ISG15: variants seen among roughly 807,000 people sequenced by gnomAD.
The protein encoded by ISG15 is ubiquitin-like protein ISG15.
ISG15 carries 2 observed loss-of-function variants against 2.4 expected under a neutral mutation model. That is an observed-to-expected ratio of 0.82 (90% CI 0.33 to 2.57). ISG15 has a LOEUF of 2.57. ISG15 is among the 30% of genes most tolerant of loss of function. The probability of loss-of-function intolerance (pLI) is 0.11; values close to 1 mark genes in which losing one functional copy is unlikely to be tolerated. For missense variants in ISG15, 224 were observed against 228.4 expected (o/e 0.98, Z 0.13); for synonymous variants, 116 against 108.1 (o/e 1.07, Z -0.45).
intron 1 of ISG15, 21 bp downstream of exon 1, chr1:1,013,597 G>T (rs765215109): frequency 6.8e-6 from 11 of 1,612,202 alleles, no homozygotes; most frequent in African/African-American, 6.7e-5. Context: ...TGTCACAGGT[G>T]GGGGGAGGTG....
At position 1,014,171 on chromosome 1, in the gene ISG15, G is replaced by A; in HGVS notation, c.191G>A (p.Gly64Asp). The change falls in exon 2 of 2, where the codon GGC (glycine) becomes GAC (aspartate). Residue 64 changes from glycine (G) to aspartate (D), a missense_variant. Transcript: ENST00000649529. ...LQDRVPLASQ[G>D]LGPGSTVLLV... Reference sequence around the variant, plus strand: ...GACAGGGTCCCCCTTGCCAGCCAGGGCCTGGGCCCCGGCAGCACGGTCCTG... The same window carrying A: ...GACAGGGTCCCCCTTGCCAGCCAGGACCTGGGCCCCGGCAGCACGGTCCTG... 2.5e-6 allele frequency: 4 copies of A among 1,612,830 alleles called. No individual in the cohort carries two copies. The highest frequency in any genetic ancestry group is 3.4e-6 in the Non-Finnish European group (4 of 1,179,424).
chr1:1,014,271 G>A lies in ISG15; in HGVS notation c.291G>A (p.Glu97=). The A allele has an allele frequency of 6.2e-7, 1 of 1,613,654 alleles. No homozygotes were observed. ...ACAAGGGCCGCAGCAGCACCTACGA[G>A]GTACGGCTGACGCAGACCGTGGCCC... ...RNNKGRSSTY[E]VRLTQTVAHL... The change falls in exon 2 of 2, where the codon GAG becomes GAA. Residue 97 remains glutamate (E), a synonymous_variant. Transcript: ENST00000649529.
Position 1,013,531 on chromosome 1 carries a change from T to C in ISG15, c.-43T>C. 6.2e-7 allele frequency: 1 copy of C among 1,611,170 alleles called. No individual in the cohort carries two copies. The highest frequency in any genetic ancestry group is 8.5e-7 in the Non-Finnish European group (1 of 1,177,826). On this transcript the variant is annotated 5_prime_UTR_variant, in exon 1 of 2. Transcript: ENST00000649529. The stretch of plus-strand genomic sequence containing the variant: ...GAGGCAGCGAACTCATCTTTGCCAG[T>C]ACAGGAGCTTGTGCCGTGGCCCACA...
At position 1,014,477 on chromosome 1, in the gene ISG15, A is replaced by G. The variant is rs1326641668; in HGVS notation, c.497A>G (p.Ter166=). Residue 166 remains the stop codon, a stop_retained_variant, in exon 2 of 2, where the codon TAA becomes TGA. Transcript: ENST00000649529. The part of the protein sequence containing the change: ...GGGTEPGGRS[*] ...GGCACAGAGCCTGGCGGGCGGAGCT[A>G]AGGGCCTCCACCAGCATCCGAGCAG... 1.3e-6 allele frequency: 2 copies of G among 1,599,706 alleles called. No homozygotes were observed. Among genetic ancestry groups the G allele is most frequent in the Non-Finnish European group, 1.7e-6 (2 of 1,171,066 alleles).
At position 1,014,190 on chromosome 1, in the gene ISG15, G is replaced by A. The variant is rs563366903; in HGVS notation, c.210G>A (p.Thr70=). Residue 70 remains threonine, a synonymous_variant, in exon 2 of 2, where the codon ACG becomes ACA. Coordinates refer to ENST00000649529, the MANE Select transcript of ISG15 (RefSeq NM_005101.4). ...GCCAGGGCCTGGGCCCCGGCAGCAC[G>A]GTCCTGCTGGTGGTGGACAAATGCG... is the stretch of plus-strand genomic sequence containing the variant. ...LASQGLGPGS[T]VLLVVDKCDE... 2.7e-5 allele frequency: 43 copies of A among 1,613,318 alleles called. No homozygotes were observed. The East Asian group carries it at 4.5e-4, about 17-fold the overall frequency.
Position 1,013,513 on chromosome 1 carries a change from C to G in ISG15, c.-61C>G. 2 of 1,582,004 alleles carry G rather than the reference C, an allele frequency of 1.3e-6. No individual in the cohort carries two copies. The highest frequency in any genetic ancestry group is 2.2e-5 in the East Asian group (1 of 44,710). On this transcript the variant is annotated 5_prime_UTR_variant, in exon 1 of 2. Coordinates refer to ENST00000649529, the MANE Select transcript of ISG15 (RefSeq NM_005101.4). ...GCCGAAGCCGGCGGCTGAGAGGCAGCGAACTCATCTTTGCCAGTACAGGAG... is the reference window on the plus strand; with the variant it reads ...GCCGAAGCCGGCGGCTGAGAGGCAGGGAACTCATCTTTGCCAGTACAGGAG...
chr1:1,013,951 G>T, intron 1 of ISG15, 33 bp from the exon 2 acceptor site: 1 of 1,556,828 alleles, frequency 6.4e-7, no homozygotes. Flanking sequence ...TGGGGCTGGC[G>T]CCGCAGTCTC....
chr1:1,014,152 GT>G lies in ISG15; in HGVS notation c.173del (p.Val58AlafsTer25). On this transcript the variant is annotated frameshift_variant, in exon 2 of 2. Coordinates refer to ENST00000649529, the MANE Select transcript of ISG15 (RefSeq NM_005101.4). LOFTEE classifies it low-confidence loss of function (END_TRUNC). ...HPSGVALQDRVPLASQGLGPG... is the reference protein window; with the variant it reads ...HPSGVALQDRXPLASQGLGPG... ...GAGCGGTGTGGCGCTGCAGGACAGG[GT>G]CCCCCTTGCCAGCCAGGGCCTGGGC... The G allele has an allele frequency of 6.2e-7, 1 of 1,612,702 alleles. No individual in the cohort carries two copies.
Position 1,013,581 on chromosome 1 carries a change from G to A in ISG15, c.3+5G>A. The A allele has an allele frequency of 6.2e-7, 1 of 1,613,556 alleles. No individual in the cohort carries two copies. The highest frequency in any genetic ancestry group is 8.5e-7 in the Non-Finnish European group (1 of 1,179,878). ...AGCCCACAGCCCACAGCCATGGTAA[G>A]GCAGATGTCACAGGTGGGGGGAGGT... On this transcript the variant is annotated splice_donor_5th_base_variant and intron_variant, in intron 1 of 1. Transcript: ENST00000649529.
At position 1,013,547 on chromosome 1, in the gene ISG15, G is replaced by A. The variant is rs545052225; in HGVS notation, c.-27G>A. The A allele has an allele frequency of 6.8e-6, 11 of 1,613,010 alleles. No homozygotes were observed. Among genetic ancestry groups the A allele is most frequent in the African/African-American group, 2.7e-5 (2 of 74,998 alleles). ...CTTTGCCAGTACAGGAGCTTGTGCCGTGGCCCACAGCCCACAGCCCACAGC... is the reference window on the plus strand; with the variant it reads ...CTTTGCCAGTACAGGAGCTTGTGCCATGGCCCACAGCCCACAGCCCACAGC... On this transcript the variant is annotated 5_prime_UTR_variant, in exon 1 of 2. The change creates a new upstream start codon in the 5' untranslated region. Coordinates refer to ENST00000649529, the MANE Select transcript of ISG15 (RefSeq NM_005101.4).
chr1:1,014,126 C>A lies in ISG15; in HGVS notation c.146C>A (p.Pro49Gln). Residue 49 changes from proline to glutamine, a missense_variant, in exon 2 of 2, where the codon CCG (proline) becomes CAG (glutamine). By Grantham distance (76) the Pro-to-Gln change is moderately conservative. Transcript: ENST00000649529. ...TTCCAGCAGCGTCTGGCTGTCCACC[C>A]GAGCGGTGTGGCGCTGCAGGACAGG... ...HAFQQRLAVH[P>Q]SGVALQDRVP... 1 of 1,613,186 alleles carries A rather than the reference C, an allele frequency of 6.2e-7. No homozygotes were observed.
At position 1,014,275 on chromosome 1, in the gene ISG15, C is replaced by T. The variant is rs770462897; in HGVS notation, c.295C>T (p.Arg99Trp). 16 of 1,613,440 alleles carry T rather than the reference C, an allele frequency of 9.9e-6. No individual in the cohort carries two copies. The highest frequency in any genetic ancestry group is 2.7e-5 in the African/African-American group (2 of 74,918). ...GGGCCGCAGCAGCACCTACGAGGTA[C>T]GGCTGACGCAGACCGTGGCCCACCT... is the stretch of plus-strand genomic sequence containing the variant. ...NKGRSSTYEV[R>W]LTQTVAHLKQ... The change falls in exon 2 of 2, where the codon CGG (arginine) becomes TGG (tryptophan). Residue 99 changes from arginine (R) to tryptophan (W), a missense_variant. Arg to Trp is a moderately radical substitution (Grantham distance 101). Transcript: ENST00000649529.
chr1:1,014,265 C>CT lies in ISG15; in HGVS notation c.286dup (p.Tyr96LeufsTer?), dbSNP rs758781783. Reference sequence around the variant, plus strand: ...GGAATAACAAGGGCCGCAGCAGCACCTACGAGGTACGGCTGACGCAGACCG... The same window carrying CT: ...GGAATAACAAGGGCCGCAGCAGCACCTTACGAGGTACGGCTGACGCAGACCG... On this transcript the variant is annotated frameshift_variant, in exon 2 of 2. Transcript: ENST00000649529. LOFTEE classifies it low-confidence loss of function (END_TRUNC). The CT allele has an allele frequency of 6.2e-7, 1 of 1,613,682 alleles. No homozygotes were observed. The highest frequency in any genetic ancestry group is 1.7e-5 in the Admixed American group (1 of 60,028).
rs1644251525 is a variant in ISG15 at position 1,014,380 on chromosome 1, C to A, written c.400C>A (p.Gln134Lys). The change falls in exon 2 of 2, where the codon CAG becomes AAG. Residue 134 changes from glutamine to lysine, a missense_variant. Transcript: ENST00000649529. Reference sequence around the variant, plus strand: ...CTTCGAGGGGAAGCCCCTGGAGGACCAGCTCCCGCTGGGGGAGTACGGCCT... The same window carrying A: ...CTTCGAGGGGAAGCCCCTGGAGGACAAGCTCCCGCTGGGGGAGTACGGCCT... ...LTFEGKPLED[Q>K]LPLGEYGLKP... The A allele has an allele frequency of 6.2e-7, 1 of 1,613,412 alleles. No individual in the cohort carries two copies. Among genetic ancestry groups the A allele is most frequent in the Non-Finnish European group, 8.5e-7 (1 of 1,180,020 alleles).
rs772413940 is a variant in ISG15, at chr1:1,014,358, C to T, written c.378C>T (p.Phe126=). Residue 126 remains phenylalanine, a synonymous_variant, in exon 2 of 2, where the codon TTC becomes TTT. Coordinates refer to ENST00000649529, the MANE Select transcript of ISG15 (RefSeq NM_005101.4). The part of the protein sequence containing the change: ...GVQDDLFWLT[F]EGKPLEDQLP... ...AGGACGACCTGTTCTGGCTGACCTT[C>T]GAGGGGAAGCCCCTGGAGGACCAGC... 109 of 1,613,512 alleles carry T rather than the reference C, an allele frequency of 6.8e-5. No homozygotes were observed. Among genetic ancestry groups the T allele is most frequent in the Non-Finnish European group, 8.5e-5 (100 of 1,180,026 alleles).
At position 1,013,998 on chromosome 1, in the gene ISG15, G is replaced by A. The variant is rs750829395; in HGVS notation, c.18G>A (p.Thr6=). Residue 6 remains threonine, a synonymous_variant, in exon 2 of 2, where the codon ACG becomes ACA. Transcript: ENST00000649529. ...GACGCCTGCAGGGCTGGGACCTGAC[G>A]GTGAAGATGCTGGCGGGCAACGAAT... MGWDL[T]VKMLAGNEFQ... The A allele has an allele frequency of 1.4e-5, 23 of 1,599,788 alleles. No homozygotes were observed. The highest frequency in any genetic ancestry group is 2.2e-5 in the East Asian group (1 of 44,526).
At chr1:1,013,650 G>GT in intron 1 of ISG15, 74 bp downstream of exon 1, 1 of 1,528,244 alleles carries the variant, frequency 6.5e-7, no homozygotes, top group Non-Finnish European at 9.0e-7. Flanking sequence ...CCCAGCCAAG[G>GT]TCTCCCAGGG....
Position 1,014,391 on chromosome 1 carries a change from G to C in ISG15, c.411G>C (p.Leu137=). 1.2e-6 allele frequency: 2 copies of C among 1,613,284 alleles called. No individual in the cohort carries two copies. Among genetic ancestry groups the C allele is most frequent in the Non-Finnish European group, 1.7e-6 (2 of 1,180,028 alleles). The change falls in exon 2 of 2, where the codon CTG becomes CTC. Residue 137 remains leucine (L), a synonymous_variant. Coordinates refer to ENST00000649529, the MANE Select transcript of ISG15 (RefSeq NM_005101.4). ...EGKPLEDQLP[L]GEYGLKPLST... The stretch of plus-strand genomic sequence containing the variant: ...AGCCCCTGGAGGACCAGCTCCCGCT[G>C]GGGGAGTACGGCCTCAAGCCCCTGA...
rs116002608 is a variant in ISG15, at chr1:1,014,451, C to T, written c.471C>T (p.Gly157=). The change falls in exon 2 of 2, where the codon GGC becomes GGT. Residue 157 remains glycine, a synonymous_variant. Transcript: ENST00000649529. ...TVFMNLRLRG[G]GTEPGGRS Reference sequence around the variant, plus strand: ...TCATGAATCTGCGCCTGCGGGGAGGCGGCACAGAGCCTGGCGGGCGGAGCT... The same window carrying T: ...TCATGAATCTGCGCCTGCGGGGAGGTGGCACAGAGCCTGGCGGGCGGAGCT... The T allele has an allele frequency of 4.1e-3, 6,632 of 1,607,432 alleles. 56 individuals carry two copies. Among genetic ancestry groups the T allele is most frequent in the African/African-American group, 0.029 (2,162 of 74,924 alleles).
Sources: gnomAD v4.1 joint callset for allele counts on GRCh38, gnomAD v4.1.1 for gene constraint, MANE v1.5 for transcripts, NCBI Gene and HGNC (gene_info 2026-07-23, HGNC 2026-07-21) for gene names.